The following PHACTR3 variants were observed in gnomAD, a reference collection of about 807,000 sequenced individuals.
The protein encoded by PHACTR3 is protein phosphatase 1, regulatory subunit 123.
Under a neutral mutation model 66.8 loss-of-function variants are expected in PHACTR3, and 16 were observed. That is an observed-to-expected ratio of 0.24 (90% confidence interval 0.16 to 0.36). PHACTR3 has a LOEUF of 0.36. Among genes scored for constraint, PHACTR3 ranks in the 10% least tolerant of loss-of-function variants. The pLI is 1.00. For synonymous variants in PHACTR3, 323 were observed against 292.1 expected, an observed-to-expected ratio of 1.11 and a Z score of -1.08; for missense variants, 647 against 719.9, an observed-to-expected ratio of 0.90 and a Z score of 1.16.
chr20:59,766,339 G>A (rs2040181026), intron 4 of PHACTR3, among the ~76,000 whole-genome samples: 2 of 152,256 alleles, frequency 1.3e-5, no homozygotes, highest in East Asian at 1.9e-4. Flanking sequence ...GAGCAGACAA[G>A]TGGCAGCTTA....
chr20:59,832,038 CCTGA>C (rs59422842), intron 8 of PHACTR3, among the ~76,000 whole-genome samples: 1,591 of 152,252 alleles, frequency 0.01, 36 homozygotes, highest in African/African-American at 0.036. Flanking sequence ...TCTGCCTGGG[CCTGA>C]CTCTCTGTGC....
At chr20:59,728,645 C>T (rs772465570) in intron 1 of PHACTR3, among the ~76,000 whole-genome samples, 2 of 151,998 alleles carry the variant, frequency 1.3e-5, no homozygotes, top group Non-Finnish European at 2.9e-5. Flanking sequence ...ATCTCTTTTC[C>T]ACAAAGAGTC....
At chr20:59,753,655 T>C (rs975112282) in intron 3 of PHACTR3, among the ~76,000 whole-genome samples, 1 of 152,242 alleles carries the variant, frequency 6.6e-6, no homozygotes, top group Non-Finnish European at 1.5e-5. Flanking sequence ...CTAGCTCCGT[T>C]AATTCTCACT....
intron 1 of PHACTR3, among the ~76,000 whole-genome samples, chr20:59,671,321 A>G (rs1008235232): frequency 3.9e-5 from 6 of 152,138 alleles, no homozygotes; most frequent in African/African-American, 1.4e-4. Context: ...TTGCCGGGGA[A>G]GGGCTAGAGT....
chr20:59,649,003 C>T (rs1156551123), intron 1 of PHACTR3, among the ~76,000 whole-genome samples: 1 of 152,162 alleles, frequency 6.6e-6, no homozygotes, highest in East Asian at 1.9e-4. Context: ...GCATCAGTTT[C>T]CTTTGCTCCA....
At position 59,829,271 on chromosome 20, in the gene PHACTR3, G is replaced by C. The variant is rs2042278636; in HGVS notation, c.1329-7234G>C. Among the ~76,000 whole-genome samples, 1 of 152,190 alleles carries C rather than the reference G, an allele frequency of 6.6e-6. No homozygotes were observed. The highest frequency in any genetic ancestry group is 1.5e-5 in the Non-Finnish European group (1 of 68,032). ...CCAGCAGCCAGCACCTCTCAGCTGA[G>C]CCCTCAGTCGGCAGAACATCCCTGC... On this transcript the variant is annotated intron_variant, in intron 8 of 12. Transcript: ENST00000371015. The surrounding 1 kb of genome is among the most constrained non-coding windows in gnomAD (Gnocchi z 4.2).
At chr20:59,591,548 C>T (rs1478854847) in intron 1 of PHACTR3, among the ~76,000 whole-genome samples, 2 of 152,122 alleles carry the variant, frequency 1.3e-5, no homozygotes, top group African/African-American at 2.4e-5. Flanking sequence ...CCAGCAACTC[C>T]AGCTCCTCAT....
At chr20:59,745,792 A>G (rs562229896) in intron 2 of PHACTR3, among the ~76,000 whole-genome samples, 1 of 152,304 alleles carries the variant, frequency 6.6e-6, no homozygotes, top group South Asian at 2.1e-4. Flanking sequence ...TCAGCCATTT[A>G]CACACTGTAC....
At chr20:59,662,064 T>G (rs1412592626) in intron 1 of PHACTR3, among the ~76,000 whole-genome samples, 3 of 152,206 alleles carry the variant, frequency 2.0e-5, no homozygotes, top group African/African-American at 7.2e-5. Flanking sequence ...GCACTCTTTG[T>G]GCAGCTACAG....
Position 59,738,743 on chromosome 20 carries a change from G to T in PHACTR3, c.119-4364G>T, listed in dbSNP as rs896064981. ...CTCCCTTCATCCTTCAGCTGTGTAT[G>T]TGTGTTTCTGGTGATTGCTGCCGAT... On this transcript the variant is annotated intron_variant, in intron 1 of 12. Coordinates refer to ENST00000371015, the MANE Select transcript of PHACTR3 (RefSeq NM_080672.5). The surrounding 1 kb of genome is among the most constrained non-coding windows in gnomAD (Gnocchi z 4.4). Among the ~76,000 whole-genome samples the T allele has an allele frequency of 1.3e-5, 2 of 152,086 alleles. No homozygotes were observed. Among genetic ancestry groups the T allele is most frequent in the Non-Finnish European group, 2.9e-5 (2 of 68,010 alleles).
intron 4 of PHACTR3, among the ~76,000 whole-genome samples, chr20:59,756,632 G>A (rs1160851333): frequency 1.3e-5 from 2 of 151,786 alleles, no homozygotes; most frequent in African/African-American, 4.8e-5. Context: ...ACACACACAG[G>A]TCTCTGTGTG....
At chr20:59,794,906 T>C (rs2041208882) in intron 7 of PHACTR3, among the ~76,000 whole-genome samples, 1 of 152,138 alleles carries the variant, frequency 6.6e-6, no homozygotes, top group African/African-American at 2.4e-5. Flanking sequence ...CATCTCTGAT[T>C]TTCCTTCATT....
rs200885093 is a variant in PHACTR3, at chr20:59,687,103, ATAG to A, written c.119-56002_119-56000del. 4.3e-5 allele frequency among the ~76,000 whole-genome samples: 6 copies of A among 140,800 alleles called. No homozygotes were observed. In the East Asian group the frequency reaches 6.1e-4, roughly 14 times the overall value. 92.4% of individuals were successfully genotyped at this position (140,800 alleles called of 152,430 possible). A position where few individuals can be genotyped will look rare whatever the true frequency, so the allele number is the denominator to read the frequency against. Reference sequence around the variant, plus strand: ...CATGGTGATTGTGATGATGGTGGTGATAGTGGTGGTGACGGTGATAATGATCAT... The same window carrying A: ...CATGGTGATTGTGATGATGGTGGTGATGGTGGTGACGGTGATAATGATCAT... On this transcript the variant is annotated intron_variant, in intron 1 of 12. Coordinates refer to ENST00000371015, the MANE Select transcript of PHACTR3 (RefSeq NM_080672.5).
chr20:59,638,536 G>T (rs958879080), intron 1 of PHACTR3, among the ~76,000 whole-genome samples: 2 of 130,972 alleles, frequency 1.5e-5, no homozygotes, highest in Admixed American at 8.3e-5. Flanking sequence ...ATGGATGATT[G>T]CTAGGTAGAT....
At chr20:59,588,555 C>T (rs1260058420) in intron 1 of PHACTR3, among the ~76,000 whole-genome samples, 3 of 152,186 alleles carry the variant, frequency 2.0e-5, no homozygotes, top group Non-Finnish European at 4.4e-5. Flanking sequence ...ATAAAATCCA[C>T]GCTTCTACTC....
Position 59,830,582 on chromosome 20 carries a change from C to G in PHACTR3, c.1329-5923C>G, listed in dbSNP as rs1381341109. On this transcript the variant is annotated intron_variant, in intron 8 of 12. Coordinates refer to ENST00000371015, the MANE Select transcript of PHACTR3 (RefSeq NM_080672.5). This position sits in a 1 kb window ranked among gnomAD's most constrained non-coding sequence, Gnocchi z 5.8. ...GGGGATCCAGGCCTGCAAGGAGGCG[C>G]TGGGCAGGATGGAGCCTGCAGCTCT... Among the ~76,000 whole-genome samples the G allele has an allele frequency of 6.6e-5, 10 of 152,172 alleles. No individual in the cohort carries two copies. Among genetic ancestry groups the G allele is most frequent in the Non-Finnish European group, 1.5e-4 (10 of 68,018 alleles).
At chr20:59,647,255 C>T (rs887250440) in intron 1 of PHACTR3, among the ~76,000 whole-genome samples, 7 of 152,164 alleles carry the variant, frequency 4.6e-5, no homozygotes, top group South Asian at 2.1e-4. Context: ...TTTATAAAAC[C>T]ATCCAATATC....
chr20:59,817,770 A>G (rs1208960125), intron 8 of PHACTR3, among the ~76,000 whole-genome samples: 1 of 152,208 alleles, frequency 6.6e-6, no homozygotes, highest in Non-Finnish European at 1.5e-5. Context: ...TTTTTGGTGA[A>G]ATAGCCTTCA....
At chr20:59,669,371 A>G (rs758331606) in intron 1 of PHACTR3, among the ~76,000 whole-genome samples, 1 of 152,176 alleles carries the variant, frequency 6.6e-6, no homozygotes, top group Non-Finnish European at 1.5e-5. Flanking sequence ...TCATTGCCTA[A>G]TTTATTATAC....
Sources: gnomAD v4.1 joint callset for allele counts (sites outside exome capture counted in the v4.1 genomes callset) on GRCh38, gnomAD v4.1.1 for gene constraint, Gnocchi (gnomAD v3.1) non-coding constraint, MANE v1.5 for transcripts, NCBI Gene and HGNC (gene_info 2026-07-23, HGNC 2026-07-21) for gene names.